ESRRG: variants seen among roughly 807,000 people sequenced by gnomAD.
ESRRG encodes the protein estrogen related receptor gamma.
A neutral mutation model predicts 44.0 loss-of-function variants in ESRRG; 13 were observed. The ratio of observed to expected loss-of-function variants is 0.30; its 90% CI spans 0.19 to 0.47. The LOEUF (loss-of-function observed/expected upper bound fraction) is 0.47, where lower values mean the gene tolerates loss of function less well. Ranked by LOEUF, ESRRG falls within the 20% of genes least tolerant of loss-of-function variation. The pLI, the probability that ESRRG is intolerant of heterozygous loss-of-function variation, is 1.00. For missense variants in ESRRG, 395 were observed against 580.6 expected, an observed-to-expected ratio of 0.68 and a Z score of 3.29; for synonymous variants, 215 against 214.6, an observed-to-expected ratio of 1.00 and a Z score of -0.02.
In ESRRG at chr1:216,519,372, A is replaced by G; in HGVS notation, c.912T>C (p.Ala304=). ...CACCAAGGATCAAAATTTCCATCCA[A>G]GCACTCTGCAGAAGGCTCATCTGGT... is the stretch of plus-strand genomic sequence containing the variant. The part of the protein sequence containing the change: ...LADQMSLLQS[A]WMEILILGVV... Residue 304 remains alanine, a synonymous_variant, in exon 6 of 7, where the codon GCT becomes GCC. Transcript: ENST00000408911. The G allele has an allele frequency of 1.2e-6, 2 of 1,613,636 alleles. No individual in the cohort carries two copies. Among genetic ancestry groups the G allele is most frequent in the Non-Finnish European group, 1.7e-6 (2 of 1,179,838 alleles).
At chr1:216,983,317 G>A (rs2074301507) in intron 1 of ESRRG, among the ~76,000 whole-genome samples, 1 of 151,502 alleles carries the variant, frequency 6.6e-6, no homozygotes, top group Non-Finnish European at 1.5e-5. Context: ...CTGCAGCCTC[G>A]ATCTCCTGGG....
In ESRRG at chr1:216,503,601, A is replaced by C. The variant is rs1340174435; in HGVS notation, c.*3338T>G. Reference sequence around the variant, plus strand: ...TGTCCTTTTACGATCTTTGCACATAAGACTGCCATAAAATGTTTTCCTAGG... The same window carrying C: ...TGTCCTTTTACGATCTTTGCACATACGACTGCCATAAAATGTTTTCCTAGG... On this transcript the variant is annotated 3_prime_UTR_variant, in exon 7 of 7. Coordinates refer to ENST00000408911, the MANE Select transcript of ESRRG (RefSeq NM_001438.4). The C allele has an allele frequency of 6.6e-6, 1 of 152,544 alleles. No homozygotes were observed. Among genetic ancestry groups the C allele is most frequent in the African/African-American group, 2.4e-5 (1 of 41,450 alleles). The allele number at this position is 152,544 out of a possible 1,614,324, so 9.4% of individuals were successfully genotyped here.
At chr1:216,891,793 G>A (rs1213205007) in intron 2 of ESRRG, among the ~76,000 whole-genome samples, 9 of 135,948 alleles carry the variant, frequency 6.6e-5, no homozygotes, top group South Asian at 6.5e-4. Flanking sequence ...TGTGGTGCCC[G>A]CTTTTTTTTT....
chr1:216,824,074 C>T (rs1559773223), intron 2 of ESRRG, among the ~76,000 whole-genome samples: 1 of 152,122 alleles, frequency 6.6e-6, no homozygotes, highest in Non-Finnish European at 1.5e-5. Flanking sequence ...TGTAAAATGA[C>T]TTTCTTTCCC....
chr1:216,716,113 G>T (rs866753044), intron 1 of ESRRG, among the ~76,000 whole-genome samples: 3 of 152,012 alleles, frequency 2.0e-5, no homozygotes, highest in South Asian at 2.1e-4. Context: ...AAGGTGGATT[G>T]TCCGTGTTCC....
rs996970814 is a variant in ESRRG at position 216,504,754 on chromosome 1, T to C, written c.*2185A>G. ...CAAAGTTTTATTTCTAAGCTATACA[T>C]TGGTATTCTATAATAAACCATTAGA... On this transcript the variant is annotated 3_prime_UTR_variant, in exon 7 of 7. Transcript: ENST00000408911. 5.9e-5 allele frequency: 9 copies of C among 152,654 alleles called. No homozygotes were observed. Among genetic ancestry groups the C allele is most frequent in the African/African-American group, 2.2e-4 (9 of 41,460 alleles). 9.5% of individuals were successfully genotyped at this position (152,654 alleles called of 1,614,324 possible). A position where few individuals can be genotyped will look rare whatever the true frequency, so the allele number is the denominator to read the frequency against.
chr1:217,116,672 C>T (rs1331887075), intron 1 of ESRRG, among the ~76,000 whole-genome samples: 1 of 152,078 alleles, frequency 6.6e-6, no homozygotes, highest in African/African-American at 2.4e-5. Context: ...CTGTAGCAAC[C>T]AAGATGCTTC....
At chr1:216,541,018 T>A (rs942516444) in intron 5 of ESRRG, among the ~76,000 whole-genome samples, 1 of 152,020 alleles carries the variant, frequency 6.6e-6, no homozygotes, top group African/African-American at 2.4e-5. Flanking sequence ...CAGGCAACAC[T>A]AATAAGAAAG....
intron 2 of ESRRG, among the ~76,000 whole-genome samples, chr1:216,673,156 T>C (rs1489899786): frequency 6.6e-6 from 1 of 152,160 alleles, no homozygotes; most frequent in Non-Finnish European, 1.5e-5. Flanking sequence ...TCTGAAGGCA[T>C]GAGAATGAAC....
intron 3 of ESRRG, among the ~76,000 whole-genome samples, chr1:216,592,117 C>G (rs2057764853): frequency 6.6e-6 from 1 of 152,170 alleles, no homozygotes; most frequent in African/African-American, 2.4e-5. Context: ...CGAAGAAACA[C>G]CATAATAGCC....
At chr1:217,029,102 C>T (rs146176458) in intron 1 of ESRRG, among the ~76,000 whole-genome samples, 131 of 151,932 alleles carry the variant, frequency 8.6e-4, no homozygotes, top group African/African-American at 3.0e-3. Context: ...TTACCTTTGG[C>T]ATCTTATAAG....
At chr1:216,951,139 G>A (rs2066883943) in intron 1 of ESRRG, among the ~76,000 whole-genome samples, 1 of 152,146 alleles carries the variant, frequency 6.6e-6, no homozygotes, top group South Asian at 2.1e-4. Context: ...TTTAGCATCA[G>A]ACACAACTTA....
At chr1:217,026,912 C>CACACACAGAGAGAG (rs1255637839) in intron 1 of ESRRG, among the ~76,000 whole-genome samples, 97 of 93,454 alleles carry the variant, frequency 1.0e-3, no homozygotes, top group East Asian at 7.6e-3. Flanking sequence ...CACACACACA[C>CACACACAGAGAGAG]AGAGAGAGAG....
At chr1:216,596,280 C>T (rs2058425156) in intron 3 of ESRRG, among the ~76,000 whole-genome samples, 1 of 152,176 alleles carries the variant, frequency 6.6e-6, no homozygotes. Flanking sequence ...CCTGATAAGA[C>T]TGCCAACTCC....
At chr1:216,875,442 T>C (rs1389504570) in intron 2 of ESRRG, among the ~76,000 whole-genome samples, 1 of 152,172 alleles carries the variant, frequency 6.6e-6, no homozygotes, top group East Asian at 1.9e-4. Flanking sequence ...ACAAAGATGC[T>C]AACTTCTAAT....
chr1:216,858,415 C>A (rs140052488), intron 2 of ESRRG, among the ~76,000 whole-genome samples: 2 of 151,752 alleles, frequency 1.3e-5, no homozygotes, highest in Non-Finnish European at 2.9e-5. Flanking sequence ...ACAGCCTGGG[C>A]GACAGAGTGA....
At chr1:216,819,583 C>G (rs1211897850) in intron 2 of ESRRG, among the ~76,000 whole-genome samples, 1 of 151,984 alleles carries the variant, frequency 6.6e-6, no homozygotes, top group Non-Finnish European at 1.5e-5. Context: ...CCATTATTTT[C>G]TCTCCTGCAA....
intron 1 of ESRRG, among the ~76,000 whole-genome samples, chr1:216,987,179 A>G (rs2075010677): frequency 6.6e-6 from 1 of 152,216 alleles, no homozygotes; most frequent in Non-Finnish European, 1.5e-5. Context: ...AAAATTTGTC[A>G]TGATTTTCTT....
rs142019006 is a variant in ESRRG, at chr1:216,980,201, A to T, written c.-105-40528T>A. The stretch of plus-strand genomic sequence containing the variant: ...TAATGCTTGCGTTCCATGTTGCACC[A>T]CTGTGCACAGAATGGTAACTTTGGT... On this transcript the variant is annotated intron_variant, in intron 1 of 7. Coordinates refer to the ESRRG transcript ENST00000359162. 4.7e-3 allele frequency among the ~76,000 whole-genome samples: 715 copies of T among 152,264 alleles called. 8 individuals are homozygous for T. Among genetic ancestry groups the T allele is most frequent in the African/African-American group, 0.016 (678 of 41,554 alleles).
Sources: allele counts gnomAD v4.1 joint callset (sites outside exome capture counted in the v4.1 genomes callset), GRCh38; gene constraint gnomAD v4.1.1; transcripts MANE v1.5; gene names NCBI Gene and HGNC (gene_info 2026-07-23, HGNC 2026-07-21).